Variants in MTCH1 observed in about 807,000 individuals in gnomAD.
MTCH1 encodes the protein mitochondrial carrier 1.
In MTCH1, 23 loss-of-function variants were observed where a neutral mutation model predicts 49.3. That is an observed-to-expected ratio of 0.47 (90% CI 0.34 to 0.66). The LOEUF (loss-of-function observed/expected upper bound fraction) is 0.66, where lower values mean the gene tolerates loss of function less well. Among genes scored for constraint, MTCH1 ranks in the 30% least tolerant of loss-of-function variants. The pLI, the probability that MTCH1 is intolerant of heterozygous loss-of-function variation, is 0.01. For missense variants in MTCH1, 397 were observed against 532.1 expected (o/e 0.75, Z 2.50); for synonymous variants, 229 against 215.2 (o/e 1.06, Z -0.56).
chr6:36,973,917 C>T (rs1252579868), intron 7 of MTCH1, among the ~76,000 whole-genome samples: 7 of 152,262 alleles, frequency 4.6e-5, no homozygotes, highest in African/African-American at 1.7e-4. Context: ...TCACATCCAA[C>T]TTACTTCACC....
chr6:36,977,171 C>A lies in MTCH1; in HGVS notation c.701+28G>T. ...GCCGACTCTGAAAGGGTAACAGGGC[C>A]ACTCTGCCAGTCCCAAGAGTTACCC... On this transcript the variant is annotated intron_variant, in intron 6 of 11. Transcript: ENST00000373627. This position sits in a 1 kb window ranked among gnomAD's most constrained non-coding sequence, Gnocchi z 5.4. 1 of 1,612,834 alleles carries A rather than the reference C, an allele frequency of 6.2e-7. No homozygotes were observed. Among genetic ancestry groups the A allele is most frequent in the Non-Finnish European group, 8.5e-7 (1 of 1,178,896 alleles).
chr6:36,972,682 C>T lies in MTCH1; in HGVS notation c.876G>A (p.Gly292=). The T allele has an allele frequency of 1.9e-6, 3 of 1,550,972 alleles. No individual in the cohort carries two copies. The highest frequency in any genetic ancestry group is 1.7e-6 in the Non-Finnish European group (2 of 1,146,462). ...AACCTGGATTCTGGTCGTTTCCCAG[C>T]CCCCCTGGGGTGTCACTCACGCTGT... ...VDDSVSDTPG[G]LGNDQNPGSQ... The change falls in exon 8 of 12, where the codon GGG becomes GGA. Residue 292 remains glycine, a synonymous_variant. Coordinates refer to ENST00000373627, the MANE Select transcript of MTCH1 (RefSeq NM_001271641.2). This position sits in a 1 kb window ranked among gnomAD's most constrained non-coding sequence, Gnocchi z 4.1.
intron 1 of MTCH1, among the ~76,000 whole-genome samples, chr6:36,984,038 CA>C (rs1764203401): frequency 6.6e-6 from 1 of 152,102 alleles, no homozygotes; most frequent in Non-Finnish European, 1.5e-5. Flanking sequence ...AATGTTCTTT[CA>C]AACCAGATCT....
chr6:36,976,944 T>G (rs1763901714), intron 6 of MTCH1, among the ~76,000 whole-genome samples: 1 of 152,198 alleles, frequency 6.6e-6, no homozygotes, highest in Non-Finnish European at 1.5e-5. Flanking sequence ...TAATCCAAGC[T>G]GACTACAATC....
intron 2 of MTCH1, among the ~76,000 whole-genome samples, chr6:36,979,052 T>A (rs1364801938): frequency 1.3e-5 from 2 of 152,084 alleles, no homozygotes; most frequent in African/African-American, 4.8e-5. Flanking sequence ...CAGGGAATGA[T>A]GAAGTCTTCA....
intron 11 of MTCH1, chr6:36,969,622 G>A (rs755832940): frequency 1.7e-6 from 2 of 1,188,780 alleles, no homozygotes; most frequent in Non-Finnish European, 2.1e-6. Context: ...CTGCAGGAGG[G>A]AGGAGTCGGT....
At chr6:36,980,243 G>A (rs1764037895) in intron 2 of MTCH1, among the ~76,000 whole-genome samples, 1 of 152,240 alleles carries the variant, frequency 6.6e-6, no homozygotes. Flanking sequence ...AAAAGAGACA[G>A]TTAAGATGGG....
intron 2 of MTCH1, among the ~76,000 whole-genome samples, chr6:36,980,643 AGAGGCCAAGCCC>A (rs1426690687): frequency 4.6e-5 from 7 of 152,270 alleles, no homozygotes; most frequent in African/African-American, 1.7e-4. Flanking sequence ...AAGGTAAGAC[AGAGGCCAAGCCC>A]CAAGTTACTC....
Position 36,972,822 on chromosome 6 carries a change from A to T in MTCH1, c.762-26T>A. 2 of 1,535,794 alleles carry T rather than the reference A, an allele frequency of 1.3e-6. No individual in the cohort carries two copies. Among genetic ancestry groups the T allele is most frequent in the Non-Finnish European group, 1.8e-6 (2 of 1,134,208 alleles). On this transcript the variant is annotated intron_variant, in intron 7 of 11. Coordinates refer to ENST00000373627, the MANE Select transcript of MTCH1 (RefSeq NM_001271641.2). This position sits in a 1 kb window ranked among gnomAD's most constrained non-coding sequence, Gnocchi z 4.1. ...CTAAAAAACAAGGTAAGCAGAGATG[A>T]GCAGGAGAGGGAGAGGAGCAGTTCC...
Position 36,968,715 on chromosome 6 carries a change from C to T in MTCH1, c.*188G>A. On this transcript the variant is annotated 3_prime_UTR_variant, in exon 12 of 12. Transcript: ENST00000373627. ...TAGGTCTGCCGGGTGACCCAATCCA[C>T]TGGGTGCAGCCCCACCCCCGCTCAA... 1.1e-6 allele frequency: 1 copy of T among 928,760 alleles called. No homozygotes were observed. The highest frequency in any genetic ancestry group is 1.7e-6 in the Non-Finnish European group (1 of 590,896). The allele number at this position is 928,760 out of a possible 1,614,324, so 57.5% of individuals were successfully genotyped here.
Position 36,972,537 on chromosome 6 carries a change from G to A in MTCH1, c.906+115C>T. 2 of 1,266,254 alleles carry A rather than the reference G, an allele frequency of 1.6e-6. No individual in the cohort carries two copies. The highest frequency in any genetic ancestry group is 2.1e-6 in the Non-Finnish European group (2 of 935,114). 78.4% of individuals were successfully genotyped at this position (1,266,254 alleles called of 1,614,324 possible). A position where few individuals can be genotyped will look rare whatever the true frequency, so the allele number is the denominator to read the frequency against. ...AAAGATGACTCCAGGGATAATGAGAGGTCCTCTCTCACCCTCCCGGCCTGA... is the reference window on the plus strand; with the variant it reads ...AAAGATGACTCCAGGGATAATGAGAAGTCCTCTCTCACCCTCCCGGCCTGA... On this transcript the variant is annotated intron_variant, in intron 8 of 11. Transcript: ENST00000373627. The surrounding 1 kb of genome is among the most constrained non-coding windows in gnomAD (Gnocchi z 4.1).
intron 7 of MTCH1, 139 bp downstream of exon 7, chr6:36,975,519 G>A: frequency 1.3e-6 from 1 of 770,912 alleles, no homozygotes; most frequent in East Asian, 2.6e-5. Context: ...GAGCTCTGGA[G>A]AGCTGGCTGC....
In MTCH1 at chr6:36,982,793, G is replaced by A. The variant is rs572385900; in HGVS notation, c.322-1121C>T. ...GAGAGCCCCTGCTGCCAGGGAGGAG[G>A]CAAGGTGTCAAGGAGACCAGCACCT... is the stretch of plus-strand genomic sequence containing the variant. On this transcript the variant is annotated intron_variant, in intron 1 of 11. Transcript: ENST00000373627. The surrounding 1 kb of genome is among the most constrained non-coding windows in gnomAD (Gnocchi z 4.1). Among the ~76,000 whole-genome samples the A allele has an allele frequency of 6.6e-6, 1 of 152,362 alleles. No homozygotes were observed. Among genetic ancestry groups the A allele is most frequent in the South Asian group, 2.1e-4 (1 of 4,828 alleles).
intron 1 of MTCH1, among the ~76,000 whole-genome samples, chr6:36,983,145 A>G (rs1036330924): frequency 6.6e-6 from 1 of 151,850 alleles, no homozygotes; most frequent in Admixed American, 6.6e-5. Context: ...AAATTTAAAA[A>G]CTCCTCTATG....
Position 36,977,312 on chromosome 6 carries a change from G to A in MTCH1, c.650-62C>T. On this transcript the variant is annotated intron_variant, in intron 5 of 11. Coordinates refer to ENST00000373627, the MANE Select transcript of MTCH1 (RefSeq NM_001271641.2). The surrounding 1 kb of genome is among the most constrained non-coding windows in gnomAD (Gnocchi z 5.4). ...GTGGGCCACACTTCATAATGCTCCA[G>A]CCACCGGGTGCCAGGTGCAGAGTGG... is the stretch of plus-strand genomic sequence containing the variant. 6.4e-7 allele frequency: 1 copy of A among 1,571,356 alleles called. No homozygotes were observed. The highest frequency in any genetic ancestry group is 8.7e-7 in the Non-Finnish European group (1 of 1,145,412).
Position 36,981,536 on chromosome 6 carries a change from TG to T in MTCH1, c.406+51del, listed in dbSNP as rs148043080. On this transcript the variant is annotated intron_variant, in intron 2 of 11. Transcript: ENST00000373627. ...GGGCCAGCTGGTCCTGCTCCCCACC[TG>T]AGGCCTCTTTTCTGTTGGTGTGGGC... 7.2e-3 allele frequency: 11,252 copies of T among 1,573,132 alleles called. 395 individuals carry two copies. The highest frequency in any genetic ancestry group is 0.07 in the South Asian group (6,203 of 88,380).
At chr6:36,969,021 C>A in intron 11 of MTCH1, 47 bp from the exon 12 acceptor site, 1 of 1,603,266 alleles carries the variant, frequency 6.2e-7, no homozygotes, top group Admixed American at 1.7e-5. Context: ...GGCCACGCTT[C>A]CTTGTCCCTC....
intron 11 of MTCH1, 165 bp from the exon 12 acceptor site, chr6:36,969,139 T>TGAA: frequency 1.0e-6 from 1 of 985,366 alleles, no homozygotes; most frequent in Non-Finnish European, 1.2e-6. Flanking sequence ...CTGCCTGTGT[T>TGAA]GAAGCAGAAG....
At chr6:36,971,124 C>T (rs1359192573) in intron 8 of MTCH1, among the ~76,000 whole-genome samples, 1 of 152,204 alleles carries the variant, frequency 6.6e-6, no homozygotes, top group Non-Finnish European at 1.5e-5. Flanking sequence ...TTTCCCCCTT[C>T]AGACCCCAAC....
Sources: gnomAD v4.1 joint callset for allele counts (sites outside exome capture counted in the v4.1 genomes callset) on GRCh38, gnomAD v4.1.1 for gene constraint, Gnocchi (gnomAD v3.1) non-coding constraint, MANE v1.5 for transcripts, NCBI Gene and HGNC (gene_info 2026-07-23, HGNC 2026-07-21) for gene names.